RNF17: variants seen among roughly 807,000 people sequenced by gnomAD.
RNF17 encodes the protein spermatogenesis associated 23.
RNF17 carries 31 observed loss-of-function variants against 200.5 expected under a neutral mutation model. The observed-to-expected ratio is 0.15, with a 90% CI of 0.12 to 0.21. The LOEUF (loss-of-function observed/expected upper bound fraction) is 0.21, where lower values mean the gene tolerates loss of function less well. Among genes scored for constraint, RNF17 ranks in the 10% least tolerant of loss-of-function variants. RNF17 has a pLI of 1.00. For synonymous variants in RNF17, 606 were observed against 637.8 expected, an observed-to-expected ratio of 0.95 and a Z score of 0.75; for missense variants, 1,628 against 1,905.1, an observed-to-expected ratio of 0.85 and a Z score of 2.71.
rs141893590 is a variant in RNF17 at position 24,858,379 on chromosome 13, C to T, written c.3611-622C>T. On this transcript the variant is annotated intron_variant, in intron 25 of 35. Transcript: ENST00000255324. ...TGCTGGATGCTTTACATTTAATCCT[C>T]CTGCAGCACTTGATGATACTGACAG... Among the ~76,000 whole-genome samples, 41 of 152,154 alleles carry T rather than the reference C, an allele frequency of 2.7e-4. No individual in the cohort carries two copies. The East Asian group carries it at 7.3e-3, about 27-fold the overall frequency.
chr13:24,798,461 C>T (rs977350116), intron 11 of RNF17, among the ~76,000 whole-genome samples: 1 of 152,090 alleles, frequency 6.6e-6, no homozygotes, highest in Non-Finnish European at 1.5e-5. Flanking sequence ...TTCAACTATC[C>T]TGTTGTTATT....
chr13:24,845,537 T>C (rs1454634776), intron 22 of RNF17, among the ~76,000 whole-genome samples: 2 of 152,170 alleles, frequency 1.3e-5, no homozygotes, highest in Non-Finnish European at 2.9e-5. Context: ...GTTACTTCTG[T>C]GAGCCCTCAA....
intron 15 of RNF17, among the ~76,000 whole-genome samples, chr13:24,805,047 C>T (rs977501616): frequency 2.0e-5 from 3 of 152,284 alleles, no homozygotes; most frequent in Admixed American, 6.5e-5. Context: ...GATCACACAG[C>T]TCTGAAAGGG....
At chr13:24,850,699 C>T (rs1446624594) in intron 23 of RNF17, among the ~76,000 whole-genome samples, 1 of 152,102 alleles carries the variant, frequency 6.6e-6, no homozygotes, top group Non-Finnish European at 1.5e-5. Context: ...TATTTATGTG[C>T]TTTCTCCAGT....
chr13:24,764,888 G>GGGGTGTGTGTGTGTGT (rs899352115), intron 1 of RNF17, among the ~76,000 whole-genome samples: 4 of 134,092 alleles, frequency 3.0e-5, no homozygotes, highest in East Asian at 4.1e-4. Context: ...CACCTTGTGG[G>GGGGTGTGTGTGTGTGT]GTGTGTGTGT....
chr13:24,824,882 G>A (rs922053111), intron 15 of RNF17, among the ~76,000 whole-genome samples: 1 of 152,104 alleles, frequency 6.6e-6, no homozygotes, highest in African/African-American at 2.4e-5. Flanking sequence ...TAAGTATTAG[G>A]CCTTGATGTG....
intron 32 of RNF17, among the ~76,000 whole-genome samples, chr13:24,872,109 C>G (rs1287582128): frequency 6.6e-6 from 1 of 151,742 alleles, no homozygotes; most frequent in Non-Finnish European, 1.5e-5. Flanking sequence ...GACAGGCATG[C>G]ATCACCTCGC....
At chr13:24,826,863 C>G (rs1888702859) in intron 16 of RNF17, among the ~76,000 whole-genome samples, 1 of 151,796 alleles carries the variant, frequency 6.6e-6, no homozygotes, top group Non-Finnish European at 1.5e-5. Context: ...GAGTTCGAGA[C>G]CAGCCTGACC....
At chr13:24,795,424 CTT>C (rs60986805) in intron 10 of RNF17, among the ~76,000 whole-genome samples, 22 of 137,476 alleles carry the variant, frequency 1.6e-4, no homozygotes, top group Admixed American at 1.5e-4. Context: ...GCGGGGGTGT[CTT>C]TTTTTTTTTT....
At position 24,855,056 on chromosome 13, in the gene RNF17, CTT is replaced by C. The variant is rs1476871600; in HGVS notation, c.3610+914_3610+915del. Among the ~76,000 whole-genome samples, 4 of 152,266 alleles carry C rather than the reference CTT, an allele frequency of 2.6e-5. No individual in the cohort carries two copies. In the East Asian group the frequency reaches 5.8e-4, roughly 22 times the overall value. On this transcript the variant is annotated intron_variant, in intron 25 of 35. Transcript: ENST00000255324. ...TTTTTTAGGTTTTCCATCTTTCAAA[CTT>C]TATGTAACCAGAACCATAATGTACA... is the stretch of plus-strand genomic sequence containing the variant.
chr13:24,748,836 G>T, the RNF17 span, among the ~76,000 whole-genome samples: 171 of 151,494 alleles, frequency 1.1e-3, no homozygotes, highest in African/African-American at 3.8e-3. Flanking sequence ...TGCAACCTCC[G>T]CCTCCCGGGT....
chr13:24,813,234 A>G (rs1886956433), intron 15 of RNF17, among the ~76,000 whole-genome samples: 1 of 152,188 alleles, frequency 6.6e-6, no homozygotes, highest in Admixed American at 6.5e-5. Context: ...TTGTAAGCTC[A>G]CTGCAGCCTC....
intron 15 of RNF17, among the ~76,000 whole-genome samples, chr13:24,822,049 T>C (rs1470449689): frequency 1.3e-5 from 2 of 152,138 alleles, no homozygotes; most frequent in African/African-American, 2.4e-5. Flanking sequence ...CCGGATTTTG[T>C]AGGCAGGTTT....
intron 6 of RNF17, among the ~76,000 whole-genome samples, chr13:24,784,716 T>C (rs972136621): frequency 6.6e-6 from 1 of 152,154 alleles, no homozygotes; most frequent in African/African-American, 2.4e-5. Flanking sequence ...TGATTCTTTT[T>C]CCTTTTTTTT....
In RNF17 at chr13:24,778,462, T is replaced by C. The variant is rs991499788; in HGVS notation, c.429+56T>C. On this transcript the variant is annotated intron_variant, in intron 4 of 35. Coordinates refer to ENST00000255324, the MANE Select transcript of RNF17 (RefSeq NM_031277.3). ...GAAGGCAAACGTTTGACTTTGTCTC[T>C]AGTAGCTCAACTTTCTTCTCCTATA... The C allele has an allele frequency of 3.6e-6, 4 of 1,107,342 alleles. No individual in the cohort carries two copies. The African/African-American group carries it at 6.2e-5, about 17-fold the overall frequency. The allele number at this position is 1,107,342 out of a possible 1,614,324, so 68.6% of individuals were successfully genotyped here.
intron 15 of RNF17, chr13:24,824,118 A>G (rs1207574649): frequency 2.3e-5 from 16 of 701,642 alleles, no homozygotes; most frequent in Middle Eastern, 2.6e-4. Context: ...AAATACCACA[A>G]AACTTTCCTA....
At chr13:24,782,032 G>T (rs909866662) in intron 6 of RNF17, 88 bp downstream of exon 6, 5 of 879,838 alleles carry the variant, frequency 5.7e-6, no homozygotes, top group African/African-American at 3.4e-5. Context: ...ATGGTAATGG[G>T]TAACTTTTAA....
In RNF17 at chr13:24,867,324, C is replaced by A. The variant is rs114332988; in HGVS notation, c.4161+1121C>A. Among the ~76,000 whole-genome samples the A allele has an allele frequency of 7.5e-3, 1,140 of 152,260 alleles. 15 individuals carry two copies. Among genetic ancestry groups the A allele is most frequent in the African/African-American group, 0.025 (1,054 of 41,546 alleles). On this transcript the variant is annotated intron_variant, in intron 30 of 35. Transcript: ENST00000255324. ...TAAAGGCATGGACCACCACATCCAG[C>A]TTTCTTTTCACTTTTTTGATAGTGT...
At chr13:24,767,817 A>G (rs956507219) in intron 2 of RNF17, among the ~76,000 whole-genome samples, 1 of 152,188 alleles carries the variant, frequency 6.6e-6, no homozygotes, top group Admixed American at 6.5e-5. Flanking sequence ...ACCTAACAAA[A>G]GATAAAACTT....
Sources: gnomAD v4.1 joint callset for allele counts (sites outside exome capture counted in the v4.1 genomes callset) on GRCh38, gnomAD v4.1.1 for gene constraint, MANE v1.5 for transcripts, NCBI Gene and HGNC (gene_info 2026-07-23, HGNC 2026-07-21) for gene names.